PPIP5K2: variants seen among roughly 807,000 people sequenced by gnomAD.
The protein encoded by PPIP5K2 is diphosphoinositol pentakisphosphate kinase 2, also known as inositol hexakisphosphate and diphosphoinositol-pentakisphosphate kinase 2.
A neutral mutation model predicts 154.6 loss-of-function variants in PPIP5K2; 105 were observed. The ratio of observed to expected loss-of-function variants is 0.68; its 90% CI spans 0.58 to 0.80. The LOEUF is 0.80. Among genes scored for constraint, PPIP5K2 ranks in the 30% least tolerant of loss-of-function variants. The probability of loss-of-function intolerance (pLI) is 0.00; values close to 1 mark genes in which losing one functional copy is unlikely to be tolerated. For synonymous variants in PPIP5K2, 480 were observed against 490.3 expected, an observed-to-expected ratio of 0.98 and a Z score of 0.28; for missense variants, 992 against 1,504.6, an observed-to-expected ratio of 0.66 and a Z score of 5.64.
intron 8 of PPIP5K2, among the ~76,000 whole-genome samples, chr5:103,149,587 G>A (rs1794286763): frequency 6.6e-6 from 1 of 151,906 alleles, no homozygotes; most frequent in Non-Finnish European, 1.5e-5. Context: ...TTATTGTCTA[G>A]CATACTTTTT....
chr5:103,170,231 C>A (rs1407992818), intron 19 of PPIP5K2, among the ~76,000 whole-genome samples: 1 of 151,402 alleles, frequency 6.6e-6, no homozygotes, highest in Admixed American at 6.6e-5. Context: ...TAAATAAATT[C>A]ATAATAAATT....
At position 103,201,654 on chromosome 5, in the gene PPIP5K2, AC is replaced by A. The variant is rs782746450; in HGVS notation, c.*21del. The A allele has an allele frequency of 1.1e-5, 16 of 1,459,616 alleles. No homozygotes were observed. In the East Asian group the frequency reaches 3.7e-4, roughly 33 times the overall value. 90.4% of individuals were successfully genotyped at this position (1,459,616 alleles called of 1,614,324 possible). A position where few individuals can be genotyped will look rare whatever the true frequency, so the allele number is the denominator to read the frequency against. ...AAATGAAATCTTAGCAGAAGCTGGA[AC>A]TTTTTATACTTATAAAAATAGTATG... On this transcript the variant is annotated 3_prime_UTR_variant, in exon 31 of 31. Coordinates refer to ENST00000358359, the MANE Select transcript of PPIP5K2 (RefSeq NM_001276277.3).
intron 5 of PPIP5K2, among the ~76,000 whole-genome samples, chr5:103,141,989 A>T (rs915392760): frequency 1.2e-4 from 18 of 152,338 alleles, no homozygotes; most frequent in Middle Eastern, 3.4e-3. Flanking sequence ...ATCCCGCACC[A>T]GGGCTGCAGG....
Position 103,179,599 on chromosome 5 carries a change from T to C in PPIP5K2, c.2755-422T>C, listed in dbSNP as rs190727850. Among the ~76,000 whole-genome samples the C allele has an allele frequency of 1.2e-3, 185 of 152,256 alleles. 1 individual carries two copies. Among genetic ancestry groups the C allele is most frequent in the African/African-American group, 4.3e-3 (178 of 41,590 alleles). On this transcript the variant is annotated intron_variant, in intron 23 of 30. Transcript: ENST00000358359. ...TTATTAGAAATGTTTGGAATAGATT[T>C]AAATATTCTAAAATATATAAATACA...
chr5:103,142,219 C>T (rs1792857869), intron 5 of PPIP5K2, among the ~76,000 whole-genome samples: 1 of 152,198 alleles, frequency 6.6e-6, no homozygotes, highest in Admixed American at 6.5e-5. Context: ...TCCAGCGCAG[C>T]GCCGGTGGGC....
chr5:103,136,138 A>C (rs1341122590), intron 3 of PPIP5K2: 1 of 151,722 alleles, frequency 6.6e-6, no homozygotes, highest in South Asian at 2.1e-4. Context: ...CACCTGGCTA[A>C]TTTTTTGTAA....
chr5:103,192,900 G>T (rs1801460878), intron 29 of PPIP5K2, among the ~76,000 whole-genome samples: 1 of 152,094 alleles, frequency 6.6e-6, no homozygotes, highest in Non-Finnish European at 1.5e-5. Flanking sequence ...TGTACTTAAT[G>T]TGGCTCATAG....
At chr5:103,182,896 G>A (rs1172154210) in intron 24 of PPIP5K2, among the ~76,000 whole-genome samples, 1 of 151,822 alleles carries the variant, frequency 6.6e-6, no homozygotes, top group Non-Finnish European at 1.5e-5. Flanking sequence ...GCTAAAAAAA[G>A]AAACTTACTA....
chr5:103,201,013 G>GCTT (rs1802896677), intron 30 of PPIP5K2, among the ~76,000 whole-genome samples: 1 of 152,186 alleles, frequency 6.6e-6, no homozygotes, highest in Middle Eastern at 3.2e-3. Flanking sequence ...AGTCAAGCGT[G>GCTT]CTTCTAGTTT....
chr5:103,146,558 A>G lies in PPIP5K2; in HGVS notation c.519A>G (p.Val173=). The change falls in exon 6 of 31, where the codon GTA becomes GTG. Residue 173 remains valine (V), a synonymous_variant. Coordinates refer to ENST00000358359, the MANE Select transcript of PPIP5K2 (RefSeq NM_001276277.3). ...ATCTGATTGAAGGGGAAGATCATGT[A>G]GAAGTAAATGGGGAAGTTTTTCAAA... ...ECNLIEGEDH[V]EVNGEVFQKP... 1 of 1,611,666 alleles carries G rather than the reference A, an allele frequency of 6.2e-7. No individual in the cohort carries two copies. Among genetic ancestry groups the G allele is most frequent in the Non-Finnish European group, 8.5e-7 (1 of 1,179,014 alleles).
rs1803671574 is a variant in PPIP5K2 at position 103,209,188 on chromosome 5, T to C, written c.*7554T>C. 6.6e-6 allele frequency: 1 copy of C among 152,184 alleles called. No individual in the cohort carries two copies. Among genetic ancestry groups the C allele is most frequent in the Non-Finnish European group, 1.5e-5 (1 of 68,036 alleles). 9.4% of individuals were successfully genotyped at this position (152,184 alleles called of 1,614,324 possible). ...GTAATAGAGTTGTATATAGTCCAGA[T>C]GTCAACCAGGCCTCTTCAGCATTTT... On this transcript the variant is annotated 3_prime_UTR_variant, in exon 31 of 31. Transcript: ENST00000358359.
rs373278639 is a variant in PPIP5K2, at chr5:103,177,711, C to T, written c.2574C>T (p.Asn858=). 1.3e-5 allele frequency: 21 copies of T among 1,611,662 alleles called. No homozygotes were observed. The highest frequency in any genetic ancestry group is 2.7e-5 in the African/African-American group (2 of 74,792). The change falls in exon 22 of 31, where the codon AAC becomes AAT. Residue 858 remains asparagine (N), a synonymous_variant. Coordinates refer to ENST00000358359, the MANE Select transcript of PPIP5K2 (RefSeq NM_001276277.3). The stretch of plus-strand genomic sequence containing the variant: ...GGAAACGAGCTATGGATTATTTAAA[C>T]GTTGTCAATGAGCTCAACTACATGA... The part of the protein sequence containing the change: ...EQWKRAMDYL[N]VVNELNYMTQ...
At chr5:103,176,083 A>C (rs1798662252) in intron 21 of PPIP5K2, among the ~76,000 whole-genome samples, 1 of 152,090 alleles carries the variant, frequency 6.6e-6, no homozygotes, top group Non-Finnish European at 1.5e-5. Context: ...AAAGTTTGTT[A>C]AGGAACTAAG....
chr5:103,152,572 C>G, intron 9 of PPIP5K2, 76 bp from the exon 10 acceptor site: 1 of 811,942 alleles, frequency 1.2e-6, no homozygotes, highest in Non-Finnish European at 2.0e-6. Context: ...TCTTATGATT[C>G]TCTCTCATCC....
In PPIP5K2 at chr5:103,202,509, T is replaced by G. The variant is rs1021444670; in HGVS notation, c.*875T>G. 2.0e-5 allele frequency: 3 copies of G among 152,288 alleles called. No homozygotes were observed. Among genetic ancestry groups the G allele is most frequent in the African/African-American group, 7.2e-5 (3 of 41,574 alleles). 9.4% of individuals were successfully genotyped at this position (152,288 alleles called of 1,614,324 possible). A position where few individuals can be genotyped will look rare whatever the true frequency, so the allele number is the denominator to read the frequency against. On this transcript the variant is annotated 3_prime_UTR_variant, in exon 31 of 31. Coordinates refer to ENST00000358359, the MANE Select transcript of PPIP5K2 (RefSeq NM_001276277.3). ...ATGTTAGGAGAAATCTGAATTCTGTTAAGTTAGTAAGTATTATGTATAGCA... is the reference window on the plus strand; with the variant it reads ...ATGTTAGGAGAAATCTGAATTCTGTGAAGTTAGTAAGTATTATGTATAGCA...
At chr5:103,149,108 A>G (rs1554210343) in intron 7 of PPIP5K2, 44 bp from the exon 8 acceptor site, 10 of 1,436,474 alleles carry the variant, frequency 7.0e-6, no homozygotes, top group Non-Finnish European at 9.4e-6. Flanking sequence ...ACACACACAC[A>G]CATACATATA....
Position 103,146,631 on chromosome 5 carries a change from A to G in PPIP5K2, c.592A>G (p.Ile198Val). 3 of 1,612,358 alleles carry G rather than the reference A, an allele frequency of 1.9e-6. No homozygotes were observed. The highest frequency in any genetic ancestry group is 2.5e-6 in the Non-Finnish European group (3 of 1,178,986). The change falls in exon 6 of 31, where the codon ATT (isoleucine) becomes GTT (valine). Residue 198 changes from isoleucine (I) to valine (V), a missense_variant. This residue lies in a region of PPIP5K2 where 51 missense variants were observed against 152.2 expected (regional missense o/e 0.33). Coordinates refer to ENST00000358359, the MANE Select transcript of PPIP5K2 (RefSeq NM_001276277.3). ...CAGTGCAGAAGATCACAATGTTTACATTTATTACCCAACTTCTGCTGGTGG... is the reference window on the plus strand; with the variant it reads ...CAGTGCAGAAGATCACAATGTTTACGTTTATTACCCAACTTCTGCTGGTGG... ...PVSAEDHNVY[I>V]YYPTSAGGGS... is the part of the protein sequence containing the mutation.
chr5:103,144,728 A>G (rs1310436913), intron 5 of PPIP5K2, among the ~76,000 whole-genome samples: 2 of 152,168 alleles, frequency 1.3e-5, no homozygotes, highest in Non-Finnish European at 1.5e-5. Flanking sequence ...ATCCAGAATC[A>G]AATTAAGCCC....
At chr5:103,170,073 G>C (rs188054558) in intron 19 of PPIP5K2, among the ~76,000 whole-genome samples, 17 of 151,628 alleles carry the variant, frequency 1.1e-4, no homozygotes, top group African/African-American at 3.9e-4. Flanking sequence ...AACTGGGAAT[G>C]AAAAATTAGT....
Sources: gnomAD v4.1 joint callset for allele counts (sites outside exome capture counted in the v4.1 genomes callset) on GRCh38, gnomAD v4.1.1 for gene constraint, gnomAD v4.1.1 regional missense constraint, MANE v1.5 for transcripts, NCBI Gene and HGNC (gene_info 2026-07-23, HGNC 2026-07-21) for gene names.